SLC24A3: variants seen among roughly 807,000 people sequenced by gnomAD.
SLC24A3 encodes solute carrier family 24 member 3.
In SLC24A3, 28 loss-of-function variants were observed where a neutral mutation model predicts 75.8. The ratio of observed to expected loss-of-function variants is 0.37; its 90% CI spans 0.27 to 0.51. SLC24A3 has a LOEUF of 0.51. SLC24A3 is among the 20% of genes least tolerant of loss of function. The probability of loss-of-function intolerance (pLI) is 0.94; values close to 1 mark genes in which losing one functional copy is unlikely to be tolerated. For missense variants in SLC24A3, 663 were observed against 847.8 expected, an observed-to-expected ratio of 0.78 and a Z score of 2.71; for synonymous variants, 372 against 334.1, an observed-to-expected ratio of 1.11 and a Z score of -1.24.
rs180735207 is a variant in SLC24A3, at chr20:19,567,323, C to T, written c.349-12677C>T. ...TTTTTTAAAATGTGGTACATATACA[C>T]GATGGAATTCTACACAGCCATAAAA... On this transcript the variant is annotated intron_variant, in intron 3 of 16. Coordinates refer to ENST00000328041, the MANE Select transcript of SLC24A3 (RefSeq NM_020689.4). 3.0e-3 allele frequency among the ~76,000 whole-genome samples: 456 copies of T among 152,222 alleles called. 4 individuals are homozygous for T. The highest frequency in any genetic ancestry group is 0.01 in the African/African-American group (426 of 41,520).
chr20:19,396,160 A>G (rs1986450106), intron 2 of SLC24A3, among the ~76,000 whole-genome samples: 1 of 152,238 alleles, frequency 6.6e-6, no homozygotes, highest in Non-Finnish European at 1.5e-5. Context: ...TAATGGGTAT[A>G]CAAGTTAGCT....
chr20:19,646,784 C>G (rs1242622059), intron 6 of SLC24A3, among the ~76,000 whole-genome samples: 1 of 151,456 alleles, frequency 6.6e-6, no homozygotes, highest in Non-Finnish European at 1.5e-5. Flanking sequence ...ATTAGTGGTG[C>G]CTGCTTTTGA....
At chr20:19,520,648 G>A (rs1449572591) in intron 3 of SLC24A3, among the ~76,000 whole-genome samples, 2 of 152,208 alleles carry the variant, frequency 1.3e-5, no homozygotes, top group Non-Finnish European at 2.9e-5. Flanking sequence ...TGAGGAAGAG[G>A]ACCATTAACA....
At chr20:19,480,595 G>T (rs1182234156) in intron 2 of SLC24A3, among the ~76,000 whole-genome samples, 4 of 152,138 alleles carry the variant, frequency 2.6e-5, no homozygotes, top group Non-Finnish European at 5.9e-5. Context: ...CCATGCCCTT[G>T]TCTGACAACT....
chr20:19,285,631 G>A (rs1983797172), intron 2 of SLC24A3, among the ~76,000 whole-genome samples: 1 of 143,040 alleles, frequency 7.0e-6, no homozygotes, highest in African/African-American at 2.6e-5. Context: ...CTTTGCAATT[G>A]TTCCAGCTCT....
intron 1 of SLC24A3, among the ~76,000 whole-genome samples, chr20:19,260,616 A>G (rs773968372): frequency 1.3e-5 from 2 of 152,252 alleles, no homozygotes; most frequent in South Asian, 4.1e-4. Context: ...TCAGTTCACA[A>G]CATGTGCATC....
intron 3 of SLC24A3, among the ~76,000 whole-genome samples, chr20:19,564,179 G>A (rs944627473): frequency 6.6e-6 from 1 of 152,204 alleles, no homozygotes; most frequent in Non-Finnish European, 1.5e-5. Flanking sequence ...GGGGTTTAGA[G>A]GAGTAGTAGG....
intron 2 of SLC24A3, among the ~76,000 whole-genome samples, chr20:19,440,532 T>C (rs1412508297): frequency 6.6e-6 from 1 of 151,936 alleles, no homozygotes; most frequent in Non-Finnish European, 1.5e-5. Flanking sequence ...TTCCAAACCA[T>C]GAGGTAAGAG....
chr20:19,587,045 G>A (rs2031308163), intron 6 of SLC24A3, among the ~76,000 whole-genome samples: 1 of 152,102 alleles, frequency 6.6e-6, no homozygotes, highest in East Asian at 1.9e-4. Context: ...CCTGCTTGTG[G>A]CCTTCCACAG....
chr20:19,689,717 A>G (rs544159837), intron 12 of SLC24A3, among the ~76,000 whole-genome samples: 3 of 152,318 alleles, frequency 2.0e-5, no homozygotes, highest in African/African-American at 7.2e-5. Flanking sequence ...AAACCTTTTT[A>G]AACCCTTTAT....
chr20:19,332,667 C>A (rs1985028073), intron 2 of SLC24A3, among the ~76,000 whole-genome samples: 1 of 152,154 alleles, frequency 6.6e-6, no homozygotes, highest in African/African-American at 2.4e-5. Flanking sequence ...CCCAGTTCCA[C>A]AGGGAGAAAA....
intron 2 of SLC24A3, among the ~76,000 whole-genome samples, chr20:19,432,272 T>TTATATATA (rs3057540): frequency 6.9e-6 from 1 of 145,322 alleles, no homozygotes; most frequent in African/African-American, 2.5e-5. Context: ...TATATCTGTT[T>TTATATATA]TATATATATA....
intron 2 of SLC24A3, among the ~76,000 whole-genome samples, chr20:19,495,485 G>T (rs537406175): frequency 6.6e-6 from 1 of 152,334 alleles, no homozygotes; most frequent in Admixed American, 6.5e-5. Context: ...GCTCTGTAGA[G>T]CATCGCCAGC....
Position 19,549,435 on chromosome 20 carries a change from A to T in SLC24A3, c.349-30565A>T, listed in dbSNP as rs962796957. Among the ~76,000 whole-genome samples, 3 of 152,240 alleles carry T rather than the reference A, an allele frequency of 2.0e-5. No individual in the cohort carries two copies. The East Asian group carries it at 5.8e-4, about 29-fold the overall frequency. On this transcript the variant is annotated intron_variant, in intron 3 of 16. Transcript: ENST00000328041. ...GACAGATCATTTTTTAAATGTCAAC[A>T]TATGTATTATTCATAATTTAATTGC...
chr20:19,628,740 A>T (rs2031897995), intron 6 of SLC24A3, among the ~76,000 whole-genome samples: 1 of 152,070 alleles, frequency 6.6e-6, no homozygotes, highest in Non-Finnish European at 1.5e-5. Flanking sequence ...GACAGACACC[A>T]GGGGGAGCTA....
At chr20:19,288,191 G>A (rs1224846258) in intron 2 of SLC24A3, among the ~76,000 whole-genome samples, 4 of 152,200 alleles carry the variant, frequency 2.6e-5, no homozygotes, top group African/African-American at 9.7e-5. Context: ...GTTGGGCTGC[G>A]TGTAGGAGAC....
intron 2 of SLC24A3, among the ~76,000 whole-genome samples, chr20:19,439,719 T>C (rs1431008550): frequency 1.3e-5 from 2 of 152,196 alleles, no homozygotes; most frequent in African/African-American, 4.8e-5. Context: ...GAACAACTGA[T>C]GGTTTGGATC....
rs533673098 is a variant in SLC24A3, at chr20:19,671,206, G to A, written c.714-2395G>A. On this transcript the variant is annotated intron_variant, in intron 8 of 16. Coordinates refer to ENST00000328041, the MANE Select transcript of SLC24A3 (RefSeq NM_020689.4). ...AAGGAGTGAAGGCAAAGCCATTCCT[G>A]GCCAAAAGAACATTCAGTGCAAAGG... Among the ~76,000 whole-genome samples the A allele has an allele frequency of 2.6e-5, 4 of 152,248 alleles. No individual in the cohort carries two copies. The East Asian group carries it at 7.7e-4, about 29-fold the overall frequency.
intron 6 of SLC24A3, among the ~76,000 whole-genome samples, chr20:19,588,375 G>A (rs559539296): frequency 6.6e-6 from 1 of 152,186 alleles, no homozygotes. Context: ...ATGAATTTCA[G>A]CATGGAGGGT....
Sources: allele counts gnomAD v4.1 joint callset (sites outside exome capture counted in the v4.1 genomes callset), GRCh38; gene constraint gnomAD v4.1.1; transcripts MANE v1.5; gene names NCBI Gene and HGNC (gene_info 2026-07-23, HGNC 2026-07-21).